IL4R: variants seen among roughly 807,000 people sequenced by gnomAD.
IL4R encodes interleukin 4 receptor.
In IL4R, 17 loss-of-function variants were observed where a neutral mutation model predicts 41.5. That is an observed-to-expected ratio of 0.41 (90% CI 0.28 to 0.61). The LOEUF is 0.61. Among genes scored for constraint, IL4R ranks in the 20% least tolerant of loss-of-function variants. The pLI is 0.31. For missense variants in IL4R, 974 were observed against 1,043.1 expected, an observed-to-expected ratio of 0.93 and a Z score of 0.91; for synonymous variants, 402 against 422.9, an observed-to-expected ratio of 0.95 and a Z score of 0.61.
intron 2 of IL4R, among the ~76,000 whole-genome samples, chr16:27,334,869 C>G (rs2085214422): frequency 6.6e-6 from 1 of 152,058 alleles, no homozygotes; most frequent in South Asian, 2.1e-4. Flanking sequence ...ACATCATGTC[C>G]AAAATGAATT....
intron 6 of IL4R, among the ~76,000 whole-genome samples, chr16:27,350,642 C>T (rs1010851676): frequency 6.6e-6 from 1 of 152,164 alleles, no homozygotes; most frequent in South Asian, 2.1e-4. Flanking sequence ...TCAGGTTGCT[C>T]ACTTGCCATC....
In IL4R at chr16:27,360,816, G is replaced by C; in HGVS notation, c.899+1G>C. ...GAGGCCAGGAACCAGCCAAGTGCCCGTATGTATCTGAACTTAGGTCACAGC... is the reference window on the plus strand; with the variant it reads ...GAGGCCAGGAACCAGCCAAGTGCCCCTATGTATCTGAACTTAGGTCACAGC... On this transcript the variant is annotated splice_donor_variant, in intron 10 of 10. Coordinates refer to ENST00000395762, the MANE Select transcript of IL4R (RefSeq NM_000418.4). LOFTEE classifies it high-confidence loss of function. The C allele has an allele frequency of 6.2e-7, 1 of 1,614,006 alleles. No individual in the cohort carries two copies. The highest frequency in any genetic ancestry group is 2.2e-5 in the East Asian group (1 of 44,888).
chr16:27,349,693 A>G (rs1316593798), intron 6 of IL4R, among the ~76,000 whole-genome samples: 2 of 152,210 alleles, frequency 1.3e-5, no homozygotes, highest in Non-Finnish European at 2.9e-5. Context: ...TATGCCTACT[A>G]TGTGCCAGGC....
rs771874953 is a variant in IL4R, at chr16:27,358,901, C to G, written c.771-15C>G. 2 of 1,607,184 alleles carry G rather than the reference C, an allele frequency of 1.2e-6. No individual in the cohort carries two copies. The highest frequency in any genetic ancestry group is 1.7e-6 in the Non-Finnish European group (2 of 1,173,730). ...AATAATTCAGAGATCAACACCTTTTCCTTTTGTTTTTCAGGATTAAGAAAG... is the reference window on the plus strand; with the variant it reads ...AATAATTCAGAGATCAACACCTTTTGCTTTTGTTTTTCAGGATTAAGAAAG... On this transcript the variant is annotated splice_polypyrimidine_tract_variant and intron_variant, in intron 8 of 10. Transcript: ENST00000395762.
At chr16:27,314,142 C>G in intron 1 of IL4R, 122 bp downstream of exon 1, 10 of 847,500 alleles carry the variant, frequency 1.2e-5, no homozygotes, top group Non-Finnish European at 1.4e-5. Context: ...CGACTCCGAG[C>G]GGGGCCCGAG....
At chr16:27,341,424 T>C (rs2085438901) in intron 3 of IL4R, 2 of 533,574 alleles carry the variant, frequency 3.7e-6, no homozygotes, top group Admixed American at 6.8e-5. Flanking sequence ...CTTATGCAAG[T>C]TGTTGTCAGC....
At chr16:27,361,606 G>C (rs945615154) in intron 10 of IL4R, among the ~76,000 whole-genome samples, 1 of 136,324 alleles carries the variant, frequency 7.3e-6, no homozygotes, top group Non-Finnish European at 1.5e-5. Context: ...CTAGGATCCC[G>C]CATCTTTTTT....
chr16:27,344,155 A>G (rs977233045), intron 4 of IL4R, among the ~76,000 whole-genome samples: 1 of 151,854 alleles, frequency 6.6e-6, no homozygotes, highest in Non-Finnish European at 1.5e-5. Context: ...AAATACAACA[A>G]TTAACTGGGT....
chr16:27,345,380 C>T lies in IL4R; in HGVS notation c.361+360C>T, dbSNP rs1361403817. On this transcript the variant is annotated intron_variant, in intron 5 of 10. Coordinates refer to ENST00000395762, the MANE Select transcript of IL4R (RefSeq NM_000418.4). The surrounding 1 kb of genome is among the most constrained non-coding windows in gnomAD (Gnocchi z 4.5). ...TTCTGTGTCCACTGGTCAGCTGCTG[C>T]GGCTTTGGATGGTCTTGACCGTGGA... The T allele has an allele frequency of 5.2e-6, 2 of 387,128 alleles. No individual in the cohort carries two copies. Among genetic ancestry groups the T allele is most frequent in the Admixed American group, 3.4e-5 (1 of 29,430 alleles). The allele number at this position is 387,128 out of a possible 1,614,324, so 24.0% of individuals were successfully genotyped here. A position where few individuals can be genotyped will look rare whatever the true frequency, so the allele number is the denominator to read the frequency against.
At chr16:27,358,157 G>A (rs1198580987) in intron 8 of IL4R, among the ~76,000 whole-genome samples, 2 of 152,038 alleles carry the variant, frequency 1.3e-5, no homozygotes. Flanking sequence ...GCCTCCCAAA[G>A]TGCTGGGATT....
At chr16:27,342,292 G>T in intron 4 of IL4R, 33 bp downstream of exon 4, 1 of 1,613,384 alleles carries the variant, frequency 6.2e-7, no homozygotes, top group Non-Finnish European at 8.5e-7. Context: ...GGTTTGGGGA[G>T]GTTGTGCCCA....
At chr16:27,349,458 G>A (rs1178514227) in intron 6 of IL4R, among the ~76,000 whole-genome samples, 1 of 152,168 alleles carries the variant, frequency 6.6e-6, no homozygotes, top group East Asian at 1.9e-4. Flanking sequence ...TTTGGCTTGG[G>A]CATTGAAGGA....
chr16:27,336,063 T>A (rs979790995), intron 2 of IL4R, among the ~76,000 whole-genome samples: 2 of 152,154 alleles, frequency 1.3e-5, no homozygotes, highest in Non-Finnish European at 2.9e-5. Context: ...CATACACAGA[T>A]GTTTCTTAAT....
rs201209601 is a variant in IL4R at position 27,363,015 on chromosome 16, C to T, written c.1663C>T (p.Arg555Cys). The change falls in exon 11 of 11, where the codon CGC (arginine) becomes TGC (cysteine). Residue 555 changes from arginine (R) to cysteine (C), a missense_variant. Around this residue, in one of 3 missense-constraint regions of IL4R, gnomAD observed 682 missense variants for 704.3 expected, o/e 0.97. Coordinates refer to ENST00000395762, the MANE Select transcript of IL4R (RefSeq NM_000418.4). ...GCCAGAAACCTGGGAGCAGATCCTC[C>T]GCCGAAATGTCCTCCAGCATGGGGC... ...PEPETWEQIL[R>C]RNVLQHGAAA... 8.7e-6 allele frequency: 14 copies of T among 1,614,028 alleles called. No individual in the cohort carries two copies. Among genetic ancestry groups the T allele is most frequent in the East Asian group, 2.2e-5 (1 of 44,900 alleles).
rs774579274 is a variant in IL4R at position 27,352,536 on chromosome 16, C to T, written c.514-4C>T. On this transcript the variant is annotated splice_polypyrimidine_tract_variant and splice_region_variant and intron_variant, in intron 6 of 10. Coordinates refer to ENST00000395762, the MANE Select transcript of IL4R (RefSeq NM_000418.4). ...TGCCCTAACATCTCCCTTTTCTCTA[C>T]CAGTTCAGAATCTATAACGTGACCT... is the stretch of plus-strand genomic sequence containing the variant. 5 of 1,613,664 alleles carry T rather than the reference C, an allele frequency of 3.1e-6. No individual in the cohort carries two copies. The highest frequency in any genetic ancestry group is 2.2e-5 in the South Asian group (2 of 91,062).
intron 6 of IL4R, among the ~76,000 whole-genome samples, chr16:27,349,193 A>G (rs745635864): frequency 1.3e-4 from 20 of 152,180 alleles, no homozygotes; most frequent in Non-Finnish European, 2.6e-4. Context: ...GGCTTAGACT[A>G]ATGAGGGTTG....
At position 27,363,912 on chromosome 16, in the gene IL4R, G is replaced by C; in HGVS notation, c.*82G>C. ...GGGAAATGCCACCTCCTGGAAGGCA[G>C]CCAGGCTGGCAGATTTCCAAAAGAC... is the stretch of plus-strand genomic sequence containing the variant. On this transcript the variant is annotated 3_prime_UTR_variant, in exon 11 of 11. Coordinates refer to ENST00000395762, the MANE Select transcript of IL4R (RefSeq NM_000418.4). The C allele has an allele frequency of 6.9e-7, 1 of 1,459,426 alleles. No individual in the cohort carries two copies. Among genetic ancestry groups the C allele is most frequent in the Non-Finnish European group, 9.2e-7 (1 of 1,090,652 alleles). The allele number at this position is 1,459,426 out of a possible 1,614,324, so 90.4% of individuals were successfully genotyped here.
intron 10 of IL4R, among the ~76,000 whole-genome samples, chr16:27,361,610 CTTTTT>C (rs34798776): frequency 1.7e-3 from 193 of 111,756 alleles, no homozygotes; most frequent in African/African-American, 6.1e-3. Context: ...GATCCCGCAT[CTTTTT>C]TTTTTTTTTT....
chr16:27,349,747 T>TTTG lies in IL4R; in HGVS notation c.514-2774_514-2772dup, dbSNP rs3024594. 7.4e-3 allele frequency among the ~76,000 whole-genome samples: 1,129 copies of TTTG among 151,986 alleles called. 10 individuals are homozygous for TTTG. The highest frequency in any genetic ancestry group is 0.024 in the African/African-American group (995 of 41,430). ...CAGCTGGAAATGGCAGGGCTGAGTT[T>TTTG]TTGTTGTTGTTGTTGTTGTTGAGAC... On this transcript the variant is annotated intron_variant, in intron 6 of 10. Coordinates refer to ENST00000395762, the MANE Select transcript of IL4R (RefSeq NM_000418.4).
Sources: allele counts gnomAD v4.1 joint callset (sites outside exome capture counted in the v4.1 genomes callset), GRCh38; gene constraint gnomAD v4.1.1; regional missense constraint gnomAD v4.1.1; non-coding constraint Gnocchi (gnomAD v3.1); transcripts MANE v1.5; gene names NCBI Gene and HGNC (gene_info 2026-07-23, HGNC 2026-07-21).